TCEA3: variants seen among roughly 807,000 people sequenced by gnomAD.
The protein encoded by TCEA3 is transcription elongation factor A protein 3.
A neutral mutation model predicts 44.0 loss-of-function variants in TCEA3; 36 were observed. The observed-to-expected ratio is 0.82, with a 90% CI of 0.63 to 1.08. The LOEUF (loss-of-function observed/expected upper bound fraction) is 1.08. TCEA3 is among the 50% of genes least tolerant of loss of function. The pLI, the probability that TCEA3 is intolerant of heterozygous loss-of-function variation, is 0.00. For synonymous variants in TCEA3, 162 were observed against 159.7 expected (o/e 1.01, Z -0.11); for missense variants, 392 against 441.2 (o/e 0.89, Z 1.00).
intron 7 of TCEA3, among the ~76,000 whole-genome samples, chr1:23,395,660 T>C (rs1639194635): frequency 6.6e-6 from 1 of 151,938 alleles, no homozygotes; most frequent in African/African-American, 2.4e-5. Context: ...ACCCCATGTC[T>C]ACAAAAAATA....
chr1:23,415,423 T>C (rs1639861392), intron 4 of TCEA3, among the ~76,000 whole-genome samples: 1 of 152,216 alleles, frequency 6.6e-6, no homozygotes, highest in African/African-American at 2.4e-5. Context: ...ACACTCCCCA[T>C]GTGACAGATT....
At chr1:23,396,776 G>T (rs757342497) in intron 7 of TCEA3, among the ~76,000 whole-genome samples, 37 of 152,158 alleles carry the variant, frequency 2.4e-4, no homozygotes, top group African/African-American at 4.8e-5. Context: ...GCAAAGGTGG[G>T]TGGTGCATCA....
intron 10 of TCEA3, among the ~76,000 whole-genome samples, chr1:23,381,868 A>G (rs551974735): frequency 1.2e-4 from 19 of 152,316 alleles, no homozygotes; most frequent in Non-Finnish European, 2.4e-4. Context: ...TGTCCCTCCA[A>G]CTAGTAAGAG....
chr1:23,389,497 A>AG (rs1638957157), intron 8 of TCEA3, among the ~76,000 whole-genome samples: 1 of 151,192 alleles, frequency 6.6e-6, no homozygotes, highest in South Asian at 2.1e-4. Context: ...CAAAAAAAAA[A>AG]AAAAAGCCAG....
intron 3 of TCEA3, 125 bp downstream of exon 3, chr1:23,417,779 A>C: frequency 2.4e-6 from 2 of 848,720 alleles, no homozygotes; most frequent in South Asian, 3.4e-5. Flanking sequence ...CCGGATCCAG[A>C]GGCCATCTGT....
chr1:23,404,147 T>A (rs1425734501), intron 5 of TCEA3: 2 of 702,226 alleles, frequency 2.8e-6, no homozygotes, highest in Non-Finnish European at 5.2e-6. Context: ...AGTTACTGCA[T>A]CAGCGAGCAT....
chr1:23,409,425 A>G (rs1157113003), intron 4 of TCEA3, among the ~76,000 whole-genome samples: 1 of 152,148 alleles, frequency 6.6e-6, no homozygotes, highest in East Asian at 1.9e-4. Context: ...TAATATAGTT[A>G]TTCCTTTTAC....
At chr1:23,421,054 G>A (rs1257458710) in intron 1 of TCEA3, among the ~76,000 whole-genome samples, 3 of 152,182 alleles carry the variant, frequency 2.0e-5, no homozygotes, top group Non-Finnish European at 4.4e-5. Flanking sequence ...TAGCCTCCCT[G>A]AGAACTTGGG....
At chr1:23,408,117 A>G (rs1294127608) in intron 5 of TCEA3, among the ~76,000 whole-genome samples, 3 of 152,056 alleles carry the variant, frequency 2.0e-5, no homozygotes, top group Non-Finnish European at 4.4e-5. Context: ...GCCCACCACC[A>G]TGCCTGGCTA....
Position 23,393,907 on chromosome 1 carries a change from G to A in TCEA3, c.791C>T (p.Ala264Val), listed in dbSNP as rs747223886. The part of the protein sequence containing the change: ...RRNVLSGAIS[A>V]GLIAKMTAEE... The stretch of plus-strand genomic sequence containing the variant: ...TGCCGTCATCTTGGCTATAAGCCCT[G>A]CGGAGATGGCCCCACTGAGCACGTT... Residue 264 changes from alanine (A) to valine (V), a missense_variant, in exon 8 of 11, where the codon GCA becomes GTA. Ala to Val is a moderately conservative substitution (Grantham distance 64). Transcript: ENST00000450454. 49 of 1,613,682 alleles carry A rather than the reference G, an allele frequency of 3.0e-5. No individual in the cohort carries two copies. In the South Asian group the frequency reaches 5.2e-4, roughly 17 times the overall value.
intron 8 of TCEA3, among the ~76,000 whole-genome samples, chr1:23,392,223 T>C (rs868263967): frequency 4.4e-5 from 6 of 135,704 alleles, no homozygotes; most frequent in Middle Eastern, 3.6e-3. Context: ...CTCAGAAGAA[T>C]GTACATACAC....
At chr1:23,397,325 T>C (rs1272217909) in intron 7 of TCEA3, among the ~76,000 whole-genome samples, 7 of 152,204 alleles carry the variant, frequency 4.6e-5, no homozygotes, top group Non-Finnish European at 1.0e-4. Flanking sequence ...GTGGGGTTGT[T>C]ATCAACACTG....
intron 4 of TCEA3, among the ~76,000 whole-genome samples, chr1:23,411,915 T>A (rs965666299): frequency 6.6e-6 from 1 of 152,250 alleles, no homozygotes; most frequent in Admixed American, 6.5e-5. Context: ...ATGCTATAGA[T>A]TATGTGACCT....
At chr1:23,418,145 T>G (rs1352190633) in intron 2 of TCEA3, 136 bp from the exon 3 acceptor site, 1 of 817,934 alleles carries the variant, frequency 1.2e-6, no homozygotes, top group Non-Finnish European at 2.0e-6. Flanking sequence ...CCCTGACTCC[T>G]GGCTGAGGTC....
chr1:23,424,508 G>C (rs1362274753), intron 1 of TCEA3, 57 bp downstream of exon 1: 4 of 1,523,018 alleles, frequency 2.6e-6, no homozygotes, highest in South Asian at 2.3e-5. Context: ...CCCGGAATCC[G>C]GGGCTTGCCC....
At chr1:23,399,161 T>TATATA (rs1476982139) in intron 5 of TCEA3, among the ~76,000 whole-genome samples, 1 of 110,244 alleles carries the variant, frequency 9.1e-6, no homozygotes, top group Non-Finnish European at 1.7e-5. Flanking sequence ...TATATATATA[T>TATATA]ATATATATAT....
intron 4 of TCEA3, among the ~76,000 whole-genome samples, chr1:23,416,020 T>TTTTTG (rs1639878469): frequency 7.0e-6 from 1 of 143,118 alleles, no homozygotes; most frequent in Non-Finnish European, 1.5e-5. Flanking sequence ...TTTTTTTTTT[T>TTTTTG]TGTGAGACGG....
At chr1:23,404,795 C>CA (rs879548953) in intron 5 of TCEA3, among the ~76,000 whole-genome samples, 21 of 149,958 alleles carry the variant, frequency 1.4e-4, no homozygotes, top group East Asian at 5.9e-4. Context: ...TCTGTCTCTA[C>CA]AAAAAAAAAA....
intron 5 of TCEA3, among the ~76,000 whole-genome samples, chr1:23,399,383 A>G (rs1267079909): frequency 2.0e-5 from 3 of 151,712 alleles, no homozygotes; most frequent in Non-Finnish European, 4.4e-5. Flanking sequence ...TTGTATTCAC[A>G]TGGTGTCTCT....
Sources: allele counts gnomAD v4.1 joint callset (sites outside exome capture counted in the v4.1 genomes callset), GRCh38; gene constraint gnomAD v4.1.1; transcripts MANE v1.5; gene names NCBI Gene and HGNC (gene_info 2026-07-23, HGNC 2026-07-21).